The following ARHGAP6 variants were observed in gnomAD, a reference collection of about 807,000 sequenced individuals.
ARHGAP6 encodes the protein rho GTPase-activating protein 6.
In ARHGAP6, 16 loss-of-function variants were observed where a neutral mutation model predicts 55.7. The ratio of observed to expected loss-of-function variants is 0.29; its 90% confidence interval spans 0.19 to 0.44. ARHGAP6 has a LOEUF of 0.44. Among genes scored for constraint, ARHGAP6 ranks in the 20% least tolerant of loss-of-function variants. ARHGAP6 has a pLI of 1.00. For missense variants in ARHGAP6, 698 were observed against 808.9 expected (o/e 0.86, Z 1.66); for synonymous variants, 382 against 360.9 (o/e 1.06, Z -0.66).
At chrX:11,559,756 T>C (rs1174463685) in intron 1 of ARHGAP6, among the ~76,000 whole-genome samples, 1 of 108,581 alleles carries the variant, frequency 9.2e-6, no homozygotes, top group Admixed American at 9.8e-5. Context: ...TGAAACCCCA[T>C]CTCTACTAAA....
At position 11,254,062 on chromosome X, in the gene ARHGAP6, C is replaced by A. The variant is rs749810769; in HGVS notation, c.748+486G>T. On this transcript the variant is annotated intron_variant, in intron 2 of 12. Transcript: ENST00000337414. ...AATCAGGTGTGCACTGGCTCCAGTG[C>A]AACATACAACACACCAGCTGAAAAA... 4.5e-5 allele frequency among the ~76,000 whole-genome samples: 5 copies of A among 111,503 alleles called. No individual in the cohort carries two copies. The South Asian group carries it at 1.9e-3, about 42-fold the overall frequency.
At chrX:11,593,596 A>G (rs2051865692) in intron 1 of ARHGAP6, among the ~76,000 whole-genome samples, 1 of 112,084 alleles carries the variant, frequency 8.9e-6, no homozygotes, top group African/African-American at 3.2e-5. Flanking sequence ...TGGGTGATAA[A>G]GATATGTCAG....
intron 1 of ARHGAP6, among the ~76,000 whole-genome samples, chrX:11,314,200 G>A (rs774546099): frequency 8.9e-6 from 1 of 112,006 alleles, no homozygotes; most frequent in Admixed American, 9.5e-5. Context: ...ATATAGGTGA[G>A]TATTTACATC....
intron 1 of ARHGAP6, among the ~76,000 whole-genome samples, chrX:11,278,144 T>C (rs1391257962): frequency 2.7e-5 from 3 of 111,319 alleles, no homozygotes; most frequent in Non-Finnish European, 5.7e-5. Flanking sequence ...CTAGGATAGG[T>C]AGTGCAGAAT....
chrX:11,522,203 A>G (rs1212244856), intron 1 of ARHGAP6, among the ~76,000 whole-genome samples: 4 of 111,889 alleles, frequency 3.6e-5, no homozygotes, highest in Non-Finnish European at 7.5e-5. Flanking sequence ...CAAAGACACA[A>G]CATAGCGGAA....
At chrX:11,222,705 T>C (rs1238323387) in intron 2 of ARHGAP6, among the ~76,000 whole-genome samples, 2 of 112,022 alleles carry the variant, frequency 1.8e-5, no homozygotes, top group African/African-American at 6.5e-5. Context: ...AATCACTAGA[T>C]TGCTTAAAAA....
At chrX:11,660,565 A>C (rs111920291) in intron 1 of ARHGAP6, among the ~76,000 whole-genome samples, 11,026 of 79,230 alleles carry the variant, frequency 0.14, 1,340 homozygotes, top group African/African-American at 0.28. Flanking sequence ...AAAAAAAAAA[A>C]AAAAAAAAAA....
At chrX:11,515,507 C>A (rs1243769980) in intron 1 of ARHGAP6, among the ~76,000 whole-genome samples, 1 of 106,669 alleles carries the variant, frequency 9.4e-6, no homozygotes, top group Non-Finnish European at 1.9e-5. Flanking sequence ...CCTTTTTTAA[C>A]AACCAAAGCT....
chrX:11,373,396 AAGAG>A (rs1021802851), intron 1 of ARHGAP6, among the ~76,000 whole-genome samples: 1 of 110,792 alleles, frequency 9.0e-6, no homozygotes, highest in African/African-American at 3.3e-5. Context: ...TTAAAAAAAA[AAGAG>A]AGAGAGAAAA....
chrX:11,551,743 G>A (rs911607210), intron 1 of ARHGAP6, among the ~76,000 whole-genome samples: 8 of 111,883 alleles, frequency 7.2e-5, no homozygotes, highest in African/African-American at 2.3e-4. Context: ...TAGAAAGAAT[G>A]CCATGTGAAG....
chrX:11,376,211 C>T (rs1287968682), intron 1 of ARHGAP6, among the ~76,000 whole-genome samples: 2 of 112,216 alleles, frequency 1.8e-5, no homozygotes, highest in Admixed American at 9.4e-5. Flanking sequence ...AAGATGTCCA[C>T]ACACCCATCC....
rs768174897 is a variant in ARHGAP6, at chrX:11,417,059, CATATATATATATATATAT to C, written c.589-162370_589-162353del. ...AGGATGTTCTTTATATGGGTGTGTACATATATATATATATATATATATATATATATATATATATATATA... is the reference window on the plus strand; with the variant it reads ...AGGATGTTCTTTATATGGGTGTGTACATATATATATATATATATATATATA... On this transcript the variant is annotated intron_variant, in intron 1 of 12. Transcript: ENST00000337414. Among the ~76,000 whole-genome samples, 229 of 33,340 alleles carry C rather than the reference CATATATATATATATATAT, an allele frequency of 6.9e-3. 9 individuals carry two copies. Among genetic ancestry groups the C allele is most frequent in the East Asian group, 0.038 (53 of 1,398 alleles). The allele number at this position is 33,340 out of a possible 115,157, so 29.0% of individuals were successfully genotyped here. A position where few individuals can be genotyped will look rare whatever the true frequency, so the allele number is the denominator to read the frequency against.
At chrX:11,282,176 C>A (rs1433469911) in intron 1 of ARHGAP6, among the ~76,000 whole-genome samples, 1 of 112,037 alleles carries the variant, frequency 8.9e-6, no homozygotes, top group Admixed American at 9.5e-5. Flanking sequence ...ACCATATACT[C>A]AGAGGAAGGA....
chrX:11,144,248 T>A lies in ARHGAP6; in HGVS notation c.1908A>T (p.Ser636=), dbSNP rs781673711. Residue 636 remains serine, a splice_region_variant and synonymous_variant, in exon 11 of 13, where the codon TCA becomes TCT. Transcript: ENST00000337414. Reference sequence around the variant, plus strand: ...CTTCCGACTGCAGCATGTCAGGGCTTCTGGCACAATGAGACAATTACAGGT... The same window carrying A: ...CTTCCGACTGCAGCATGTCAGGGCTACTGGCACAATGAGACAATTACAGGT... The part of the protein sequence containing the change: ...YLLRRKASQS[S]SPDMLQSEVS... 1 of 1,211,306 alleles carries A rather than the reference T, an allele frequency of 8.3e-7. No individual in the cohort carries two copies. Among genetic ancestry groups the A allele is most frequent in the South Asian group, 1.8e-5 (1 of 56,997 alleles).
intron 1 of ARHGAP6, among the ~76,000 whole-genome samples, chrX:11,440,648 T>A (rs750980800): frequency 8.9e-5 from 10 of 112,120 alleles, no homozygotes; most frequent in African/African-American, 3.2e-4. Flanking sequence ...AGGATGCTCA[T>A]CTTGTCTGTT....
intron 1 of ARHGAP6, among the ~76,000 whole-genome samples, chrX:11,539,013 C>T (rs999946166): frequency 9.1e-6 from 1 of 110,488 alleles, no homozygotes. Flanking sequence ...TGCCACCACG[C>T]GTGGCTAATT....
At chrX:11,419,515 A>ATGTTAC (rs1168999799) in intron 1 of ARHGAP6, among the ~76,000 whole-genome samples, 7 of 112,339 alleles carry the variant, frequency 6.2e-5, no homozygotes, top group African/African-American at 2.3e-4. Context: ...ACTATGTGTT[A>ATGTTAC]TGTTACCATT....
chrX:11,664,260 TA>T lies in ARHGAP6; in HGVS notation c.568del (p.Tyr190ThrfsTer22). 8.3e-7 allele frequency: 1 copy of T among 1,209,491 alleles called. No homozygotes were observed. Among genetic ancestry groups the T allele is most frequent in the East Asian group, 3.0e-5 (1 of 33,842 alleles). On this transcript the variant is annotated frameshift_variant, in exon 1 of 13. Transcript: ENST00000337414. LOFTEE classifies it high-confidence loss of function. The part of the protein sequence containing the change: ...QSPPDSRGHP[Y>X]VVWKSEGDFT... ...CCCTACCTCGGATTTCCACACGACG[TA>T]GGGGTGCCCGCGACTGTCGGGTGGG...
intron 1 of ARHGAP6, among the ~76,000 whole-genome samples, chrX:11,396,501 G>A (rs1224938015): frequency 2.7e-5 from 3 of 111,565 alleles, no homozygotes; most frequent in Non-Finnish European, 5.6e-5. Context: ...TAATAAAACC[G>A]TAGTTGATCA....
Sources: gnomAD v4.1 joint callset for allele counts (sites outside exome capture counted in the v4.1 genomes callset) on GRCh38, gnomAD v4.1.1 for gene constraint, MANE v1.5 for transcripts, NCBI Gene and HGNC (gene_info 2026-07-23, HGNC 2026-07-21) for gene names.